SACS: variants seen among roughly 807,000 people sequenced by gnomAD.
The protein encoded by SACS is sacsin.
SACS carries 197 observed loss-of-function variants against 348.0 expected under a neutral mutation model. The observed-to-expected ratio is 0.57, with a 90% CI of 0.50 to 0.64. The LOEUF is 0.64. Ranked by LOEUF, SACS falls within the 30% of genes least tolerant of loss-of-function variation. SACS has a pLI of 0.00. For synonymous variants in SACS, 1,985 were observed against 1,910.6 expected, an observed-to-expected ratio of 1.04 and a Z score of -1.02; for missense variants, 4,999 against 5,360.8, an observed-to-expected ratio of 0.93 and a Z score of 2.11.
chr13:23,379,289 A>G (rs563826771), intron 2 of SACS, among the ~76,000 whole-genome samples: 2 of 152,174 alleles, frequency 1.3e-5, no homozygotes, highest in Non-Finnish European at 2.9e-5. Flanking sequence ...CTGTTCATTC[A>G]CGTCATAAAA....
In SACS at chr13:23,369,936, G is replaced by C. The variant is rs374542158; in HGVS notation, c.259+1142C>G. 8.6e-5 allele frequency among the ~76,000 whole-genome samples: 13 copies of C among 151,016 alleles called. No homozygotes were observed. In the East Asian group the frequency reaches 2.5e-3, roughly 30 times the overall value. On this transcript the variant is annotated intron_variant, in intron 4 of 9. Transcript: ENST00000382292. ...TGCAATGGAGCGATCTCAGCTCACT[G>C]CAACCTCTGCCTTCCAGGTTCAAGC...
chr13:23,334,198 A>G lies in SACS; in HGVS notation c.9678T>C (p.Tyr3226=), dbSNP rs2137581806. The G allele has an allele frequency of 6.2e-7, 1 of 1,613,868 alleles. No homozygotes were observed. Among genetic ancestry groups the G allele is most frequent in the South Asian group, 1.1e-5 (1 of 91,070 alleles). ...DLLSSVLPRE[Y]KTKSCTKWKD... ...TCCACTTTGTGCAACTTTTGGTCTT[A>G]TATTCTCGAGGCAACACAGAGGATA... The change falls in exon 10 of 10, where the codon TAT becomes TAC. Residue 3226 remains tyrosine, a synonymous_variant. Coordinates refer to ENST00000382292, the MANE Select transcript of SACS (RefSeq NM_014363.6).
At chr13:23,373,107 GACC>G (rs1336155000) in intron 3 of SACS, among the ~76,000 whole-genome samples, 9 of 152,158 alleles carry the variant, frequency 5.9e-5, no homozygotes, top group Non-Finnish European at 1.0e-4. Flanking sequence ...CTTTCAGTGT[GACC>G]ACATCTAGGG....
At chr13:23,388,496 T>C (rs1872396924) in intron 2 of SACS, among the ~76,000 whole-genome samples, 1 of 147,640 alleles carries the variant, frequency 6.8e-6, no homozygotes, top group Admixed American at 6.8e-5. Context: ...TGTATATATA[T>C]ATATATATAT....
intron 1 of SACS, among the ~76,000 whole-genome samples, chr13:23,423,658 G>GGGAC (rs1874046653): frequency 6.6e-6 from 1 of 152,180 alleles, no homozygotes; most frequent in African/African-American, 2.4e-5. Flanking sequence ...ATCGCTGAAT[G>GGGAC]GGACGTGAGT....
chr13:23,382,267 C>G (rs1469640456), intron 2 of SACS, among the ~76,000 whole-genome samples: 1 of 152,144 alleles, frequency 6.6e-6, no homozygotes, highest in Non-Finnish European at 1.5e-5. Flanking sequence ...AGTTCTCCTA[C>G]CTTAGCCTCC....
rs773678758 is a variant in SACS, at chr13:23,331,013, G to A, written c.12863C>T (p.Thr4288Ile). Reference protein sequence around the residue: ...PLFSGRESHKTSSKHQSPKKL... With the variant: ...PLFSGRESHKISSKHQSPKKL... The stretch of plus-strand genomic sequence containing the variant: ...TTTGGGGGACTGATGTTTGGAAGAA[G>A]TCTTGTGGCTCTCTCTACCAGAGAA... The change falls in exon 10 of 10, where the codon ACT becomes ATT. Residue 4288 changes from threonine to isoleucine, a missense_variant. By Grantham distance (89) the Thr-to-Ile change is moderately conservative. Coordinates refer to ENST00000382292, the MANE Select transcript of SACS (RefSeq NM_014363.6). The A allele has an allele frequency of 6.8e-6, 11 of 1,614,020 alleles. No homozygotes were observed. In the Admixed American group the frequency reaches 8.3e-5, roughly 12 times the overall value.
At chr13:23,426,140 C>T (rs929640879) in intron 1 of SACS, among the ~76,000 whole-genome samples, 5 of 152,138 alleles carry the variant, frequency 3.3e-5, no homozygotes, top group African/African-American at 4.8e-5. Flanking sequence ...TTATTCCCCA[C>T]GACTGAGTGC....
rs780332615 is a variant in SACS, at chr13:23,335,769, G to A, written c.8107C>T (p.Arg2703Cys). Residue 2703 changes from arginine to cysteine, a missense_variant, in exon 10 of 10, where the codon CGT becomes TGT. By Grantham distance (180) the Arg-to-Cys change is radical. Coordinates refer to ENST00000382292, the MANE Select transcript of SACS (RefSeq NM_014363.6). The surrounding 1 kb of genome is among the most constrained non-coding windows in gnomAD (Gnocchi z 4.7). ...GAAACTTTTGCCATTTCTGCATTAC[G>A]AAGAGGAAATCTGAACATTGTGCAA... ...DNCTMFRFPL[R>C]NAEMAKVSEI... 5 of 1,614,004 alleles carry A rather than the reference G, an allele frequency of 3.1e-6. No homozygotes were observed. The highest frequency in any genetic ancestry group is 4.2e-6 in the Non-Finnish European group (5 of 1,179,894).
In SACS at chr13:23,351,869, AAC is replaced by A. The variant is rs146704149; in HGVS notation, c.2185+1914_2185+1915del. Among the ~76,000 whole-genome samples the A allele has an allele frequency of 5.5e-3, 839 of 152,308 alleles. 5 individuals are homozygous for A. The highest frequency in any genetic ancestry group is 0.017 in the African/African-American group (714 of 41,548). ...GAAAACTAACCAAGACCAGAGACAA[AAC>A]ACAGTGTTTCATTATGACACCAAAA... On this transcript the variant is annotated intron_variant, in intron 9 of 9. Transcript: ENST00000382292.
Position 23,338,438 on chromosome 13 carries a change from A to C in SACS, c.5438T>G (p.Val1813Gly). Residue 1813 changes from valine to glycine, a missense_variant, in exon 10 of 10, where the codon GTA becomes GGA. By Grantham distance (109) the Val-to-Gly change is moderately radical. Around this residue, in one of 6 missense-constraint regions of SACS, gnomAD observed 3,156 missense variants for 3,380.1 expected, o/e 0.93. Coordinates refer to ENST00000382292, the MANE Select transcript of SACS (RefSeq NM_014363.6). ...KPSDELSQKT[V>G]ECTTWLLCTC... ...ACACAGAAGCCACGTGGTACACTCT[A>C]CTGTTTTCTGTGACAACTCATCTGA... is the stretch of plus-strand genomic sequence containing the variant. The C allele has an allele frequency of 6.2e-7, 1 of 1,614,100 alleles. No homozygotes were observed. The highest frequency in any genetic ancestry group is 8.5e-7 in the Non-Finnish European group (1 of 1,179,988).
Position 23,335,514 on chromosome 13 carries a change from C to A in SACS, c.8362G>T (p.Val2788Phe), listed in dbSNP as rs766202221. 6.2e-7 allele frequency: 1 copy of A among 1,613,672 alleles called. No individual in the cohort carries two copies. Among genetic ancestry groups the A allele is most frequent in the Admixed American group, 1.7e-5 (1 of 59,988 alleles). ...KQFHASVIDS[V>F]TKKRQLKDIP... The stretch of plus-strand genomic sequence containing the variant: ...TCTTTGAGCTGCCTCTTTTTAGTAA[C>A]ACTATCAATTACAGATGCATGAAAT... Residue 2788 changes from valine to phenylalanine, a missense_variant, in exon 10 of 10, where the codon GTT (valine) becomes TTT (phenylalanine). Physicochemically the swap from Val to Phe is conservative, Grantham distance 50. Around this residue, in one of 6 missense-constraint regions of SACS, gnomAD observed 3,156 missense variants for 3,380.1 expected, o/e 0.93. Coordinates refer to ENST00000382292, the MANE Select transcript of SACS (RefSeq NM_014363.6). The surrounding 1 kb of genome is among the most constrained non-coding windows in gnomAD (Gnocchi z 4.7).
rs766923835 is a variant in SACS at position 23,337,084 on chromosome 13, A to G, written c.6792T>C (p.Asn2264=). ...AACCACAACCTCTAAAAGAATGGGA[A>G]TTTTCATTTAGAATTGGTTGCAAAA... ...VCLLQPILNE[N]SHSFRGCGSV... The change falls in exon 10 of 10, where the codon AAT becomes AAC. Residue 2264 remains asparagine (N), a synonymous_variant. Transcript: ENST00000382292. The G allele has an allele frequency of 6.2e-7, 1 of 1,613,994 alleles. No individual in the cohort carries two copies. Among genetic ancestry groups the G allele is most frequent in the East Asian group, 2.2e-5 (1 of 44,864 alleles).
rs1259249556 is a variant in SACS at position 23,411,310 on chromosome 13, C to T, written c.-71G>A. 7.1e-7 allele frequency: 1 copy of T among 1,408,518 alleles called. No homozygotes were observed. The highest frequency in any genetic ancestry group is 1.4e-5 in the African/African-American group (1 of 71,180). 87.3% of individuals were successfully genotyped at this position (1,408,518 alleles called of 1,614,324 possible). ...GCTTCTTTCTTCTGTTTAAGTCTTC[C>T]CTCTGTGCTTCCTTTAAATGTGTAC... On this transcript the variant is annotated 5_prime_UTR_variant, in exon 2 of 10. Coordinates refer to ENST00000382292, the MANE Select transcript of SACS (RefSeq NM_014363.6).
At position 23,330,433 on chromosome 13, in the gene SACS, G is replaced by C. The variant is rs201439638; in HGVS notation, c.13443C>G (p.Thr4481=). The change falls in exon 10 of 10, where the codon ACC becomes ACG. Residue 4481 remains threonine, a synonymous_variant. Transcript: ENST00000382292. ...AGTCAGCTGCAATCAAAGCTAACTT[G>C]GTAGAAAGGTAACATTTAAAGCACA... ...EWVCFKCYLS[T]KLALIAADYA... The C allele has an allele frequency of 2.6e-5, 42 of 1,614,002 alleles. No individual in the cohort carries two copies. Among genetic ancestry groups the C allele is most frequent in the Non-Finnish European group, 3.3e-5 (39 of 1,179,996 alleles).
chr13:23,422,334 T>C (rs1873986337), intron 1 of SACS, among the ~76,000 whole-genome samples: 5 of 152,184 alleles, frequency 3.3e-5, no homozygotes, highest in African/African-American at 1.2e-4. Context: ...ACCTGTGTTT[T>C]TATTAAAGAA....
chr13:23,400,655 C>T (rs1197249584), intron 2 of SACS, among the ~76,000 whole-genome samples: 2 of 152,108 alleles, frequency 1.3e-5, no homozygotes, highest in African/African-American at 4.8e-5. Flanking sequence ...CTCCTGACCT[C>T]GTGATCCGCC....
rs771399065 is a variant in SACS, at chr13:23,330,638, T to C, written c.13238A>G (p.Gln4413Arg). Residue 4413 changes from glutamine to arginine, a missense_variant, in exon 10 of 10, where the codon CAG (glutamine) becomes CGG (arginine). Physicochemically the swap from Gln to Arg is conservative, Grantham distance 43. This residue lies in a region of SACS where 254 missense variants were observed against 275.1 expected (regional missense o/e 0.92). Coordinates refer to ENST00000382292, the MANE Select transcript of SACS (RefSeq NM_014363.6). ...QEATSHKSER[Q>R]QQNKEKCPPS... Reference sequence around the variant, plus strand: ...GGGGCATTTTTCTTTGTTCTGTTGCTGTCTTTCAGATTTATGGCTCGTTGC... The same window carrying C: ...GGGGCATTTTTCTTTGTTCTGTTGCCGTCTTTCAGATTTATGGCTCGTTGC... The C allele has an allele frequency of 1.2e-6, 2 of 1,613,986 alleles. No homozygotes were observed. The highest frequency in any genetic ancestry group is 2.2e-5 in the East Asian group (1 of 44,900).
intron 1 of SACS, among the ~76,000 whole-genome samples, chr13:23,415,804 T>C (rs1489277173): frequency 6.6e-6 from 1 of 152,142 alleles, no homozygotes; most frequent in Non-Finnish European, 1.5e-5. Context: ...ATAAATAAAA[T>C]GAATACAAAA....
Sources: allele counts gnomAD v4.1 joint callset (sites outside exome capture counted in the v4.1 genomes callset), GRCh38; gene constraint gnomAD v4.1.1; regional missense constraint gnomAD v4.1.1; non-coding constraint Gnocchi (gnomAD v3.1); transcripts MANE v1.5; gene names NCBI Gene and HGNC (gene_info 2026-07-23, HGNC 2026-07-21).